PDE11A: variants seen among roughly 807,000 people sequenced by gnomAD.
PDE11A encodes dual 3',5'-cyclic-AMP and -GMP phosphodiesterase 11A.
PDE11A carries 100 observed loss-of-function variants against 100.5 expected under a neutral mutation model. The ratio of observed to expected loss-of-function variants is 1.00; its 90% CI spans 0.85 to 1.18. The LOEUF is 1.18. PDE11A is among the 50% of genes most tolerant of loss of function. The probability of loss-of-function intolerance (pLI) is 0.00; values close to 1 mark genes in which losing one functional copy is unlikely to be tolerated. For missense variants in PDE11A, 1,141 were observed against 1,152.6 expected (o/e 0.99, Z 0.15); for synonymous variants, 381 against 420.8 (o/e 0.91, Z 1.16).
intron 9 of PDE11A, among the ~76,000 whole-genome samples, chr2:177,816,503 T>C (rs1461540709): frequency 6.6e-6 from 1 of 152,228 alleles, no homozygotes; most frequent in Non-Finnish European, 1.5e-5. Flanking sequence ...AGATTATCTA[T>C]ACATATTCAA....
intron 3 of PDE11A, among the ~76,000 whole-genome samples, chr2:177,903,715 C>T (rs947162941): frequency 3.9e-5 from 6 of 152,156 alleles, no homozygotes; most frequent in Non-Finnish European, 1.5e-5. Context: ...GAAGATTAAT[C>T]AGAAAGCTGA....
chr2:177,940,401 G>C (rs2085332454), intron 2 of PDE11A, among the ~76,000 whole-genome samples: 1 of 152,152 alleles, frequency 6.6e-6, no homozygotes, highest in Admixed American at 6.5e-5. Context: ...ATTTGAAAAA[G>C]TACATGAAAT....
In PDE11A at chr2:177,629,362, C is replaced by T; in HGVS notation, c.*45G>A. 3 of 1,563,482 alleles carry T rather than the reference C, an allele frequency of 1.9e-6. 1 individual carries two copies. The South Asian group carries it at 3.3e-5, about 17-fold the overall frequency. On this transcript the variant is annotated 3_prime_UTR_variant, in exon 20 of 20. Transcript: ENST00000286063. ...GATGACATTGCTGGACTGAAAATGG[C>T]CCTTCAGGCTGTAGTCATTTTGCAG... is the stretch of plus-strand genomic sequence containing the variant.
At chr2:177,824,148 G>A (rs1238532401) in intron 6 of PDE11A, among the ~76,000 whole-genome samples, 1 of 151,960 alleles carries the variant, frequency 6.6e-6, no homozygotes, top group African/African-American at 2.4e-5. Flanking sequence ...CCATCCCCAT[G>A]GAGGATAACA....
chr2:177,745,870 C>T (rs1402665130), intron 10 of PDE11A, among the ~76,000 whole-genome samples: 2 of 152,178 alleles, frequency 1.3e-5, no homozygotes, highest in Non-Finnish European at 2.9e-5. Flanking sequence ...CCATGGCTGC[C>T]AGCTGAGGAG....
At chr2:178,097,062 AT>A (rs2087501860) in intron 2 of PDE11A, among the ~76,000 whole-genome samples, 1 of 152,020 alleles carries the variant, frequency 6.6e-6, no homozygotes, top group South Asian at 2.1e-4. Context: ...AATTTTTTGT[AT>A]TTTTAGTAGA....
intron 2 of PDE11A, among the ~76,000 whole-genome samples, chr2:177,911,562 T>C (rs900995432): frequency 6.6e-6 from 1 of 152,172 alleles, no homozygotes; most frequent in Non-Finnish European, 1.5e-5. Context: ...CTCCAAAAGA[T>C]ACAAATAAAT....
At chr2:177,711,931 T>C in intron 12 of PDE11A, 53 bp from the exon 13 acceptor site, 1 of 903,466 alleles carries the variant, frequency 1.1e-6, no homozygotes, top group Non-Finnish European at 1.9e-6. Context: ...GGAGGATGGA[T>C]AAGGTTAGGT....
At chr2:177,992,275 CAA>C (rs2086013899) in intron 2 of PDE11A, among the ~76,000 whole-genome samples, 1 of 151,274 alleles carries the variant, frequency 6.6e-6, no homozygotes, top group African/African-American at 2.4e-5. Flanking sequence ...CAAAGTTTAA[CAA>C]AGTTTTCAAA....
rs963529134 is a variant in PDE11A at position 177,623,738 on chromosome 2, A to G, written c.*5669T>C. ...TTCACAGCAAATACTTCATTACTTA[A>G]TAAAAAAACACATTTGTGTACTAGC... On this transcript the variant is annotated 3_prime_UTR_variant, in exon 20 of 20. Coordinates refer to ENST00000286063, the MANE Select transcript of PDE11A (RefSeq NM_016953.4). 7 of 146,314 alleles carry G rather than the reference A, an allele frequency of 4.8e-5. No individual in the cohort carries two copies. The highest frequency in any genetic ancestry group is 1.8e-4 in the African/African-American group (7 of 39,298). The allele number at this position is 146,314 out of a possible 1,614,324, so 9.1% of individuals were successfully genotyped here. A position where few individuals can be genotyped will look rare whatever the true frequency, so the allele number is the denominator to read the frequency against.
chr2:177,736,594 G>C (rs938451461), intron 10 of PDE11A, among the ~76,000 whole-genome samples: 3 of 152,060 alleles, frequency 2.0e-5, no homozygotes, highest in Non-Finnish European at 2.9e-5. Context: ...TGAGGAAAGA[G>C]AGGGAAGGAG....
chr2:177,872,149 T>C (rs1253755040), intron 5 of PDE11A, among the ~76,000 whole-genome samples: 8 of 152,186 alleles, frequency 5.3e-5, no homozygotes, highest in Admixed American at 5.2e-4. Context: ...CCCTATCACC[T>C]AGCAGAGAAC....
chr2:177,852,993 G>A (rs188716884), intron 5 of PDE11A, among the ~76,000 whole-genome samples: 2 of 152,304 alleles, frequency 1.3e-5, no homozygotes, highest in East Asian at 3.9e-4. Context: ...TTAGAATGAT[G>A]AGATTTATCA....
chr2:177,728,078 A>T lies in PDE11A; in HGVS notation c.1883T>A (p.Leu628His), dbSNP rs147026038. The change falls in exon 11 of 20, where the codon CTC (leucine) becomes CAC (histidine). Residue 628 changes from leucine to histidine, a missense_variant. Leu to His is a moderately conservative substitution (Grantham distance 99). Transcript: ENST00000286063. ...LDVDAMITAA[L>H]RMFMELGMVQ... ...CATCCCCAGCTCCATGAACATCCGGAGAGCAGCTGTGATCATGGCATCAAC... is the reference window on the plus strand; with the variant it reads ...CATCCCCAGCTCCATGAACATCCGGTGAGCAGCTGTGATCATGGCATCAAC... 4.7e-5 allele frequency: 76 copies of T among 1,612,796 alleles called. No individual in the cohort carries two copies. Among genetic ancestry groups the T allele is most frequent in the Non-Finnish European group, 6.4e-5 (75 of 1,179,008 alleles).
At chr2:177,690,233 A>G (rs2081023136) in intron 15 of PDE11A, among the ~76,000 whole-genome samples, 1 of 152,208 alleles carries the variant, frequency 6.6e-6, no homozygotes, top group Admixed American at 6.5e-5. Context: ...CTAATGTTAT[A>G]ATAATATATA....
intron 2 of PDE11A, among the ~76,000 whole-genome samples, chr2:177,960,922 C>T (rs1422316538): frequency 6.6e-6 from 1 of 152,242 alleles, no homozygotes; most frequent in South Asian, 2.1e-4. Context: ...TGATGCAGAA[C>T]CACCGTCAGT....
At chr2:177,725,489 A>C (rs1350758526) in intron 12 of PDE11A, among the ~76,000 whole-genome samples, 3 of 152,004 alleles carry the variant, frequency 2.0e-5, no homozygotes, top group Non-Finnish European at 4.4e-5. Flanking sequence ...GATCTCCTCC[A>C]CCCACCCTCC....
intron 2 of PDE11A, among the ~76,000 whole-genome samples, chr2:177,910,403 T>C (rs934018326): frequency 2.0e-5 from 2 of 102,186 alleles, no homozygotes; most frequent in African/African-American, 7.4e-5. Context: ...CAGATGTCTC[T>C]CTCTCTCTGT....
chr2:177,646,393 C>A (rs960630135), intron 19 of PDE11A, among the ~76,000 whole-genome samples: 3 of 152,292 alleles, frequency 2.0e-5, no homozygotes, highest in Admixed American at 2.0e-4. Flanking sequence ...CCCTATGTTC[C>A]AGGAGCCATA....
Sources: allele counts gnomAD v4.1 joint callset (sites outside exome capture counted in the v4.1 genomes callset), GRCh38; gene constraint gnomAD v4.1.1; transcripts MANE v1.5; gene names NCBI Gene and HGNC (gene_info 2026-07-23, HGNC 2026-07-21).